Variants in ROR1 observed in about 807,000 individuals in gnomAD.
ROR1 encodes inactive tyrosine-protein kinase transmembrane receptor ROR1.
A neutral mutation model predicts 78.8 loss-of-function variants in ROR1; 19 were observed. The observed-to-expected ratio is 0.24, with a 90% CI of 0.17 to 0.35. The LOEUF is 0.35. Ranked by LOEUF, ROR1 falls within the 10% of genes least tolerant of loss-of-function variation. The probability of loss-of-function intolerance (pLI) is 1.00; values close to 1 mark genes in which losing one functional copy is unlikely to be tolerated. For synonymous variants in ROR1, 386 were observed against 433.6 expected, an observed-to-expected ratio of 0.89 and a Z score of 1.36; for missense variants, 917 against 1,177.8, an observed-to-expected ratio of 0.78 and a Z score of 3.24.
At chr1:63,810,167 A>G (rs932692694) in intron 1 of ROR1, among the ~76,000 whole-genome samples, 2 of 152,222 alleles carry the variant, frequency 1.3e-5, no homozygotes, top group Admixed American at 1.3e-4. Context: ...TTCATTTTAC[A>G]GGTGTGTTGG....
intron 4 of ROR1, among the ~76,000 whole-genome samples, chr1:64,100,319 T>TAAAAATA (rs745551685): frequency 6.6e-6 from 1 of 151,726 alleles, no homozygotes; most frequent in Non-Finnish European, 1.5e-5. Flanking sequence ...TCATCTCTAC[T>TAAAAATA]AAAAATAAAA....
chr1:64,049,588 C>T, intron 2 of ROR1, 103 bp from the exon 3 acceptor site: 1 of 1,005,028 alleles, frequency 9.9e-7, no homozygotes, highest in African/African-American at 1.6e-5. Flanking sequence ...CTCTCCTGCT[C>T]AGCCTCTCTG....
chr1:64,078,403 T>TA (rs1402135508), intron 4 of ROR1, among the ~76,000 whole-genome samples: 5 of 152,088 alleles, frequency 3.3e-5, no homozygotes, highest in African/African-American at 1.2e-4. Context: ...CGTGTGAGAA[T>TA]AGTGATTGCA....
At position 64,130,355 on chromosome 1, in the gene ROR1, G is replaced by A. The variant is rs1221654879; in HGVS notation, c.483-7014G>A. Reference sequence around the variant, plus strand: ...ACTTTTTGATGCTCACTTTCAGACCGGTCTTTAGAAAGCAGAGTTTGTGAG... The same window carrying A: ...ACTTTTTGATGCTCACTTTCAGACCAGTCTTTAGAAAGCAGAGTTTGTGAG... On this transcript the variant is annotated intron_variant, in intron 4 of 8. Coordinates refer to ENST00000371079, the MANE Select transcript of ROR1 (RefSeq NM_005012.4). Among the ~76,000 whole-genome samples, 6 of 152,064 alleles carry A rather than the reference G, an allele frequency of 3.9e-5. No homozygotes were observed. In the East Asian group the frequency reaches 5.8e-4, roughly 15 times the overall value.
rs200292093 is a variant in ROR1 at position 64,121,059 on chromosome 1, C to CTTTTTTTT, written c.483-16278_483-16271dup. ...CCACACTCCAGTCAGGGAGATACCC[C>CTTTTTTTT]TTTTTTTTTTTTTTTTTTTTTTTTT... is the stretch of plus-strand genomic sequence containing the variant. On this transcript the variant is annotated intron_variant, in intron 4 of 8. Coordinates refer to ENST00000371079, the MANE Select transcript of ROR1 (RefSeq NM_005012.4). Among the ~76,000 whole-genome samples, 46 of 82,022 alleles carry CTTTTTTTT rather than the reference C, an allele frequency of 5.6e-4. 2 individuals carry two copies. Among genetic ancestry groups the CTTTTTTTT allele is most frequent in the African/African-American group, 7.1e-4 (11 of 15,530 alleles). 53.8% of individuals were successfully genotyped at this position (82,022 alleles called of 152,430 possible).
chr1:64,096,623 TTTTC>T (rs1647309493), intron 4 of ROR1, among the ~76,000 whole-genome samples: 1 of 152,192 alleles, frequency 6.6e-6, no homozygotes, highest in Admixed American at 6.5e-5. Flanking sequence ...ACATGCCACA[TTTTC>T]TTTGTCCAGT....
At chr1:63,795,553 G>A (rs1215612789) in intron 1 of ROR1, among the ~76,000 whole-genome samples, 1 of 152,150 alleles carries the variant, frequency 6.6e-6, no homozygotes, top group Non-Finnish European at 1.5e-5. Context: ...GCAAGCTCAT[G>A]GAGTAAGCTC....
intron 1 of ROR1, among the ~76,000 whole-genome samples, chr1:63,958,535 A>G (rs1248276111): frequency 6.6e-6 from 1 of 152,192 alleles, no homozygotes; most frequent in African/African-American, 2.4e-5. Context: ...TGCCAAGAGG[A>G]AGGGAAGGAG....
intron 1 of ROR1, among the ~76,000 whole-genome samples, chr1:63,909,567 A>G (rs1387397690): frequency 6.6e-6 from 1 of 152,150 alleles, no homozygotes; most frequent in African/African-American, 2.4e-5. Context: ...TGCTGTAGTT[A>G]AAGACTCTCA....
rs1408584972 is a variant in ROR1, at chr1:64,151,857, T to C, written c.1175-7124T>C. On this transcript the variant is annotated intron_variant, in intron 7 of 8. Coordinates refer to ENST00000371079, the MANE Select transcript of ROR1 (RefSeq NM_005012.4). ...GAGATTGCACCACTGCACTCCAGCC[T>C]CGGTGACAGAGCGACACTCCGTCTC... is the stretch of plus-strand genomic sequence containing the variant. 2.0e-5 allele frequency among the ~76,000 whole-genome samples: 3 copies of C among 147,008 alleles called. No individual in the cohort carries two copies. The East Asian group carries it at 6.1e-4, about 30-fold the overall frequency.
intron 7 of ROR1, among the ~76,000 whole-genome samples, chr1:64,147,219 AC>A (rs1159850639): frequency 6.6e-6 from 1 of 152,022 alleles, no homozygotes; most frequent in Non-Finnish European, 1.5e-5. Context: ...AATGTTGAAA[AC>A]CCTTGGAATA....
In ROR1 at chr1:64,009,349, T is replaced by C. The variant is rs199999287; in HGVS notation, c.136T>C (p.Trp46Arg). Residue 46 changes from tryptophan (W) to arginine (R), a missense_variant, in exon 2 of 9, where the codon TGG becomes CGG. Trp to Arg is a moderately radical substitution (Grantham distance 101). Coordinates refer to ENST00000371079, the MANE Select transcript of ROR1 (RefSeq NM_005012.4). ...TGCTGAATTAGTGCCTACCTCATCA[T>C]GGAACATCTCAAGTGAACTCAACAA... Reference protein sequence around the residue: ...VSAELVPTSSWNISSELNKDS... With the variant: ...VSAELVPTSSRNISSELNKDS... The C allele has an allele frequency of 8.8e-5, 142 of 1,613,694 alleles. No homozygotes were observed. The highest frequency in any genetic ancestry group is 5.9e-6 in the Non-Finnish European group (7 of 1,179,750).
intron 4 of ROR1, among the ~76,000 whole-genome samples, chr1:64,125,511 A>G (rs1033746501): frequency 1.2e-4 from 18 of 152,160 alleles, no homozygotes; most frequent in African/African-American, 3.1e-4. Context: ...TAAAGCTTCA[A>G]ATACTCTCAT....
At chr1:63,930,327 C>A (rs1176695315) in intron 1 of ROR1, among the ~76,000 whole-genome samples, 1 of 152,124 alleles carries the variant, frequency 6.6e-6, no homozygotes, top group African/African-American at 2.4e-5. Flanking sequence ...CCCCAGCAAC[C>A]CAAGTTACAA....
chr1:64,102,348 A>C (rs1224226108), intron 4 of ROR1, among the ~76,000 whole-genome samples: 1 of 152,188 alleles, frequency 6.6e-6, no homozygotes, highest in Non-Finnish European at 1.5e-5. Context: ...TGAGGCAAAG[A>C]GGGAAAATAA....
intron 1 of ROR1, among the ~76,000 whole-genome samples, chr1:63,910,620 C>T: frequency 6.6e-6 from 1 of 152,130 alleles, no homozygotes. Context: ...CCTATGACCC[C>T]ATAGCCCTGT....
At chr1:63,901,969 A>G (rs1645488546) in intron 1 of ROR1, among the ~76,000 whole-genome samples, 2 of 152,348 alleles carry the variant, frequency 1.3e-5, no homozygotes, top group East Asian at 1.9e-4. Flanking sequence ...AAATACTGCA[A>G]TACAGTATAG....
chr1:63,864,318 G>A (rs1645201921), intron 1 of ROR1, among the ~76,000 whole-genome samples: 1 of 152,108 alleles, frequency 6.6e-6, no homozygotes, highest in African/African-American at 2.4e-5. Context: ...GGAGAAACTG[G>A]CCTTGTTATG....
At chr1:63,998,695 C>A (rs773260423) in intron 1 of ROR1, among the ~76,000 whole-genome samples, 1 of 152,124 alleles carries the variant, frequency 6.6e-6, no homozygotes, top group East Asian at 1.9e-4. Flanking sequence ...ACCCTCCATT[C>A]CCAGCAGATA....
Sources: gnomAD v4.1 joint callset for allele counts (sites outside exome capture counted in the v4.1 genomes callset) on GRCh38, gnomAD v4.1.1 for gene constraint, MANE v1.5 for transcripts, NCBI Gene and HGNC (gene_info 2026-07-23, HGNC 2026-07-21) for gene names.